CHRM2: variants seen among roughly 807,000 people sequenced by gnomAD.
CHRM2 encodes cholinergic receptor muscarinic 2.
Under a neutral mutation model 25.0 loss-of-function variants are expected in CHRM2, and 8 were observed. That is an observed-to-expected ratio of 0.32 (90% confidence interval 0.19 to 0.58). CHRM2 has a LOEUF of 0.58. Ranked by LOEUF, CHRM2 falls within the 20% of genes least tolerant of loss-of-function variation. The pLI, the probability that CHRM2 is intolerant of heterozygous loss-of-function variation, is 0.88. For missense variants in CHRM2, 440 were observed against 567.1 expected, an observed-to-expected ratio of 0.78 and a Z score of 2.28; for synonymous variants, 202 against 205.7, an observed-to-expected ratio of 0.98 and a Z score of 0.15.
chr7:136,988,591 G>A (rs549492949), intron 2 of CHRM2, among the ~76,000 whole-genome samples: 16 of 152,194 alleles, frequency 1.1e-4, no homozygotes, highest in East Asian at 7.7e-4. Flanking sequence ...CAATGGTACC[G>A]TCAGCTTCAA....
At chr7:136,963,000 G>C (rs76771628) in intron 2 of CHRM2, among the ~76,000 whole-genome samples, 2,208 of 152,262 alleles carry the variant, frequency 0.015, 144 homozygotes, top group Admixed American at 0.12. Context: ...TACAGTTAGG[G>C]TTAAGTACTT....
At position 136,978,072 on chromosome 7, in the gene CHRM2, TGGA is replaced by T. The variant is rs1470643077; in HGVS notation, c.-124-14109_-124-14107del. Among the ~76,000 whole-genome samples, 3 of 150,610 alleles carry T rather than the reference TGGA, an allele frequency of 2.0e-5. 1 individual carries two copies. Among genetic ancestry groups the T allele is most frequent in the Admixed American group, 2.0e-4 (3 of 15,080 alleles). The stretch of plus-strand genomic sequence containing the variant: ...ACACTGGGAACTACTAGAGAGGGGG[TGGA>T]GGAGGGGGAACACGGGCTGGAAAAC... On this transcript the variant is annotated intron_variant, in intron 2 of 3. Coordinates refer to ENST00000680005, the MANE Select transcript of CHRM2 (RefSeq NM_001006630.2).
At chr7:137,000,460 A>G (rs1203186052) in intron 3 of CHRM2, among the ~76,000 whole-genome samples, 4 of 150,934 alleles carry the variant, frequency 2.7e-5, no homozygotes, top group Non-Finnish European at 5.9e-5. Context: ...TCGGCCTCCC[A>G]AAGTGCTGGG....
chr7:136,885,483 T>G (rs1198535318), intron 2 of CHRM2, among the ~76,000 whole-genome samples: 1 of 152,242 alleles, frequency 6.6e-6, no homozygotes, highest in Non-Finnish European at 1.5e-5. Flanking sequence ...CTTTTTAAAC[T>G]TACATTTCTG....
intron 2 of CHRM2, among the ~76,000 whole-genome samples, chr7:136,891,675 C>T (rs970204015): frequency 6.6e-6 from 1 of 152,174 alleles, no homozygotes; most frequent in African/African-American, 2.4e-5. Context: ...CGTTTAGCTA[C>T]ACTTGTTTGC....
chr7:137,014,647 T>C (rs942875448), intron 3 of CHRM2, among the ~76,000 whole-genome samples, 173 bp from the exon 4 acceptor site: 3 of 151,992 alleles, frequency 2.0e-5, no homozygotes, highest in African/African-American at 7.2e-5. Flanking sequence ...TTTTGAATCC[T>C]CCATTTGAAG....
intron 3 of CHRM2, among the ~76,000 whole-genome samples, chr7:137,004,911 T>C (rs537584942): frequency 6.6e-6 from 1 of 152,250 alleles, no homozygotes; most frequent in Non-Finnish European, 1.5e-5. Flanking sequence ...GCAATCAAAC[T>C]CTGGGGAAAC....
intron 2 of CHRM2, among the ~76,000 whole-genome samples, chr7:136,887,456 C>A (rs1427500764): frequency 6.6e-6 from 1 of 152,150 alleles, no homozygotes; most frequent in Non-Finnish European, 1.5e-5. Context: ...AACTCTTATA[C>A]TCTTGGGTTT....
intron 3 of CHRM2, among the ~76,000 whole-genome samples, chr7:137,003,680 A>G (rs1584910250): frequency 6.6e-6 from 1 of 152,128 alleles, no homozygotes; most frequent in African/African-American, 2.4e-5. Context: ...GTATACTCCT[A>G]ACCCAGCAGA....
At position 136,939,046 on chromosome 7, in the gene CHRM2, C is replaced by T. The variant is rs117676598; in HGVS notation, c.-124-53141C>T. ...CTAGAGATTACTTTAGTGTAGGAAACCTTTGCTAGTCTCCTTTCATAACTT... is the reference window on the plus strand; with the variant it reads ...CTAGAGATTACTTTAGTGTAGGAAATCTTTGCTAGTCTCCTTTCATAACTT... On this transcript the variant is annotated intron_variant, in intron 2 of 3. Coordinates refer to ENST00000680005, the MANE Select transcript of CHRM2 (RefSeq NM_001006630.2). Among the ~76,000 whole-genome samples the T allele has an allele frequency of 2.6e-3, 386 of 149,158 alleles. 1 individual carries two copies. The highest frequency in any genetic ancestry group is 4.1e-3 in the Non-Finnish European group (278 of 67,656).
At chr7:136,969,399 C>T (rs1291023379) in intron 2 of CHRM2, among the ~76,000 whole-genome samples, 1 of 152,076 alleles carries the variant, frequency 6.6e-6, no homozygotes, top group Non-Finnish European at 1.5e-5. Flanking sequence ...TGATTTGACC[C>T]ACTACTTTGC....
At chr7:136,953,957 G>A (rs1800567602) in intron 2 of CHRM2, among the ~76,000 whole-genome samples, 1 of 152,116 alleles carries the variant, frequency 6.6e-6, no homozygotes, top group African/African-American at 2.4e-5. Context: ...TTACCATGGT[G>A]AGAGGAGATC....
At chr7:136,954,231 T>A (rs1405204488) in intron 2 of CHRM2, among the ~76,000 whole-genome samples, 3 of 152,180 alleles carry the variant, frequency 2.0e-5, no homozygotes, top group African/African-American at 7.2e-5. Context: ...TATACATTTA[T>A]ATATGTGTGT....
intron 2 of CHRM2, among the ~76,000 whole-genome samples, chr7:136,960,435 T>C (rs1400563256): frequency 1.3e-5 from 2 of 152,228 alleles, no homozygotes; most frequent in East Asian, 3.8e-4. Flanking sequence ...CAAACGTGGC[T>C]AAGCCAGAAC....
chr7:137,000,378 T>C (rs1329868311), intron 3 of CHRM2, among the ~76,000 whole-genome samples: 1 of 151,444 alleles, frequency 6.6e-6, no homozygotes, highest in East Asian at 1.9e-4. Context: ...TTTTGTTTTT[T>C]TAGTAGAGAC....
In CHRM2 at chr7:136,869,336, C is replaced by T. The variant is rs1381891398; in HGVS notation, c.-207C>T. ...CAGCTCCAGCCCGAGCGGATCGGCC[C>T]TGAACCCACAAAGGACTCCTCGCTC... is the stretch of plus-strand genomic sequence containing the variant. On this transcript the variant is annotated 5_prime_UTR_variant, in exon 2 of 4. Transcript: ENST00000680005. This position sits in a 1 kb window ranked among gnomAD's most constrained non-coding sequence, Gnocchi z 4.9. The T allele has an allele frequency of 6.6e-6, 1 of 152,370 alleles. No homozygotes were observed. The highest frequency in any genetic ancestry group is 1.5e-5 in the Non-Finnish European group (1 of 68,172). 9.4% of individuals were successfully genotyped at this position (152,370 alleles called of 1,614,324 possible).
intron 2 of CHRM2, among the ~76,000 whole-genome samples, chr7:136,921,254 A>C (rs979415635): frequency 1.3e-5 from 2 of 151,962 alleles, no homozygotes; most frequent in African/African-American, 4.8e-5. Context: ...CTCTGCTTTG[A>C]GTCTTCCCAT....
intron 3 of CHRM2, among the ~76,000 whole-genome samples, chr7:137,011,299 A>C (rs2131113448): frequency 6.6e-6 from 1 of 151,256 alleles, no homozygotes; most frequent in East Asian, 2.0e-4. Context: ...CCCATCTGCA[A>C]GCCTGAGACC....
At chr7:136,939,294 T>G (rs1799625052) in intron 2 of CHRM2, among the ~76,000 whole-genome samples, 1 of 152,250 alleles carries the variant, frequency 6.6e-6, no homozygotes, top group Non-Finnish European at 1.5e-5. Flanking sequence ...GTGGAGCTAT[T>G]TAACTTGAAA....
Sources: gnomAD v4.1 joint callset for allele counts (sites outside exome capture counted in the v4.1 genomes callset) on GRCh38, gnomAD v4.1.1 for gene constraint, Gnocchi (gnomAD v3.1) non-coding constraint, MANE v1.5 for transcripts, NCBI Gene and HGNC (gene_info 2026-07-23, HGNC 2026-07-21) for gene names.